Variants in MFSD12 observed in about 807,000 individuals in gnomAD.
The protein encoded by MFSD12 is major facilitator superfamily domain containing 12, also known as major facilitator superfamily domain-containing protein 12.
A neutral mutation model predicts 51.2 loss-of-function variants in MFSD12; 67 were observed. The ratio of observed to expected loss-of-function variants is 1.31; its 90% CI spans 1.08 to 1.60. The LOEUF is 1.60. Ranked by LOEUF, MFSD12 falls within the 40% of genes most tolerant of loss-of-function variation. MFSD12 has a pLI of 0.00. For synonymous variants in MFSD12, 441 were observed against 316.7 expected, an observed-to-expected ratio of 1.39 and a Z score of -4.17; for missense variants, 921 against 673.0, an observed-to-expected ratio of 1.37 and a Z score of -4.08.
chr19:3,551,147 G>A lies in MFSD12; in HGVS notation c.346C>T (p.Leu116=). The part of the protein sequence containing the change: ...LSFPFIFSPC[L]GCGAATPEWA... ...TCGGGCGTGGCCGCCCCACAGCCCA[G>A]GCAGGGGCTGAAGATGAAGGGGAAG... Residue 116 remains leucine, a synonymous_variant, in exon 2 of 10, where the codon CTG becomes TTG. Transcript: ENST00000355415. This position sits in a 1 kb window ranked among gnomAD's most constrained non-coding sequence, Gnocchi z 4.6. The A allele has an allele frequency of 6.2e-7, 1 of 1,612,680 alleles. No individual in the cohort carries two copies. Among genetic ancestry groups the A allele is most frequent in the Non-Finnish European group, 8.5e-7 (1 of 1,179,850 alleles).
intron 2 of MFSD12, 91 bp from the exon 3 acceptor site, chr19:3,548,358 A>C (rs2031253148): frequency 6.7e-7 from 1 of 1,484,434 alleles, no homozygotes; most frequent in African/African-American, 1.4e-5. Flanking sequence ...AGGCCTGGGG[A>C]ACCCCTGACT....
chr19:3,551,903 G>A lies in MFSD12; in HGVS notation c.299-709C>T, dbSNP rs569688952. On this transcript the variant is annotated intron_variant, in intron 1 of 9. Transcript: ENST00000355415. The surrounding 1 kb of genome is among the most constrained non-coding windows in gnomAD (Gnocchi z 4.6). The stretch of plus-strand genomic sequence containing the variant: ...GCAGGACCTCTTCAACATGCCAGGC[G>A]GTCCTGCCCCCGGGCCTTTGCATGG... 3.9e-5 allele frequency among the ~76,000 whole-genome samples: 6 copies of A among 152,150 alleles called. No individual in the cohort carries two copies. The highest frequency in any genetic ancestry group is 4.2e-4 in the South Asian group (2 of 4,810).
downstream of MFSD12, chr19:3,542,225 T>C (rs2030477877): frequency 1.0e-6 from 1 of 985,320 alleles, no homozygotes; most frequent in African/African-American, 1.7e-5. Context: ...GCCGAGTCTA[T>C]GTGGGGTCCC....
chr19:3,540,028 G>C (rs1010624707), downstream of MFSD12: 1 of 151,830 alleles, frequency 6.6e-6, no homozygotes, highest in Admixed American at 6.6e-5. Flanking sequence ...AAGACAGGAG[G>C]ATCACTTGAG....
At chr19:3,538,927 G>T (rs965959900) in intron 4 of MFSD12, 6 of 659,006 alleles carry the variant, frequency 9.1e-6, no homozygotes, top group African/African-American at 5.3e-5. Flanking sequence ...CCAGGTGGGG[G>T]GTGCATAGAG....
chr19:3,543,328 C>T (rs571976360), downstream of MFSD12: 423 of 1,549,394 alleles, frequency 2.7e-4, 2 homozygotes, highest in South Asian at 4.6e-3. Flanking sequence ...GGGACGCAGC[C>T]GGCCAGCTGT....
At chr19:3,539,192 G>A (rs1434568299) in intron 4 of MFSD12, 5 of 1,550,346 alleles carry the variant, frequency 3.2e-6, no homozygotes, top group Non-Finnish European at 4.4e-6. Flanking sequence ...AAACCCTCAG[G>A]CAAGAGGCTG....
intron 8 of MFSD12, 25 bp downstream of exon 8, chr19:3,546,045 AGAAT>A (rs1446120898): frequency 1.1e-5 from 18 of 1,610,026 alleles, no homozygotes; most frequent in East Asian, 2.2e-5. Context: ...ACTGAACAAA[AGAAT>A]GAATGAACGA....
intron 4 of MFSD12, chr19:3,538,928 G>C (rs1021652213): frequency 4.5e-6 from 3 of 659,822 alleles, no homozygotes; most frequent in African/African-American, 3.6e-5. Flanking sequence ...CAGGTGGGGG[G>C]TGCATAGAGC....
At chr19:3,554,780 GGCAAAGTGAGTCCTTA>G (rs2031651956) in intron 1 of MFSD12, among the ~76,000 whole-genome samples, 1 of 152,236 alleles carries the variant, frequency 6.6e-6, no homozygotes, top group Non-Finnish European at 1.5e-5. Flanking sequence ...CTTGTTAAAG[GGCAAAGTGAGTCCTTA>G]GCCACCAGCC....
At chr19:3,540,265 GTT>G (rs11431218), downstream of MFSD12, among the ~76,000 whole-genome samples, 1 of 141,088 alleles carries the variant, frequency 7.1e-6, no homozygotes. Context: ...GCTAATTTTT[GTT>G]TTTTTTTTTG....
chr19:3,547,530 C>T lies in MFSD12; in HGVS notation c.855G>A (p.Met285Ile), dbSNP rs763762371. 3.7e-6 allele frequency: 6 copies of T among 1,611,616 alleles called. No homozygotes were observed. The highest frequency in any genetic ancestry group is 5.1e-6 in the Non-Finnish European group (6 of 1,179,350). ...PAFYQVGILY[M>I]TTRLIVNLSQ... ...ACAGGTTCACGATGAGCCTGGTGGT[C>T]ATGTACAGTATGCCCACCTGTGGGC... The change falls in exon 5 of 10, where the codon ATG becomes ATA. Residue 285 changes from methionine to isoleucine, a missense_variant. Physicochemically the swap from Met to Ile is conservative, Grantham distance 10. Coordinates refer to ENST00000355415, the MANE Select transcript of MFSD12 (RefSeq NM_174983.5).
chr19:3,547,821 G>A (rs781193340), intron 4 of MFSD12, 27 bp downstream of exon 4: 44 of 1,468,016 alleles, frequency 3.0e-5, no homozygotes, highest in South Asian at 3.0e-4. Context: ...GAAGGCCCAC[G>A]CCAGCCCCAC....
chr19:3,543,818 C>T, downstream of MFSD12: 1 of 1,512,104 alleles, frequency 6.6e-7, no homozygotes, highest in Non-Finnish European at 8.9e-7. Flanking sequence ...TGACCCGAGT[C>T]CCACCTACAG....
downstream of MFSD12, chr19:3,544,046 C>A (rs879585488): frequency 1.1e-5 from 16 of 1,499,920 alleles, no homozygotes; most frequent in Admixed American, 3.4e-4. Flanking sequence ...TGTCTCTGCA[C>A]CCAGATGAGG....
downstream of MFSD12, chr19:3,543,271 A>G (rs1354450883): frequency 1.3e-6 from 2 of 1,547,406 alleles, no homozygotes; most frequent in Non-Finnish European, 1.7e-6. Context: ...CCCGCTGGCC[A>G]CCAGCCATCA....
At chr19:3,546,911 G>C (rs932474925) in intron 6 of MFSD12, among the ~76,000 whole-genome samples, 1 of 152,124 alleles carries the variant, frequency 6.6e-6, no homozygotes, top group African/African-American at 2.4e-5. Context: ...TCATCTCACT[G>C]CAAGCTCCGC....
intron 2 of MFSD12, 37 bp downstream of exon 2, chr19:3,550,932 ACACCGAGCCGGGGCC>A: frequency 6.6e-7 from 1 of 1,505,108 alleles, no homozygotes; most frequent in Middle Eastern, 2.3e-4. Context: ...ACTGACTGAT[ACACCGAGCCGGGGCC>A]CACCCTGCCC....
At chr19:3,553,490 C>T (rs1273024083) in intron 1 of MFSD12, among the ~76,000 whole-genome samples, 6 of 150,522 alleles carry the variant, frequency 4.0e-5, no homozygotes, top group Admixed American at 1.3e-4. Flanking sequence ...AAAAAAAGGC[C>T]GGGCGCGGTG....
Sources: gnomAD v4.1 joint callset for allele counts (sites outside exome capture counted in the v4.1 genomes callset) on GRCh38, gnomAD v4.1.1 for gene constraint, Gnocchi (gnomAD v3.1) non-coding constraint, MANE v1.5 for transcripts, NCBI Gene and HGNC (gene_info 2026-07-23, HGNC 2026-07-21) for gene names.